The following C16orf89 variants were observed in gnomAD, a reference collection of about 807,000 sequenced individuals.
C16orf89 encodes UPF0764 protein C16orf89.
In C16orf89, 57 loss-of-function variants were observed where a neutral mutation model predicts 41.5. The observed-to-expected ratio is 1.38, with a 90% CI of 1.11 to 1.71. C16orf89 has a LOEUF of 1.71. Ranked by LOEUF, C16orf89 falls within the 40% of genes most tolerant of loss-of-function variation. C16orf89 has a pLI of 0.00. For missense variants in C16orf89, 575 were observed against 445.9 expected (o/e 1.29, Z -2.61); for synonymous variants, 223 against 190.6 (o/e 1.17, Z -1.40).
At chr16:5,060,151 C>T (rs1956586203) in intron 3 of C16orf89, 135 bp downstream of exon 3, 1 of 1,110,772 alleles carries the variant, frequency 9.0e-7, no homozygotes, top group East Asian at 2.7e-5. Flanking sequence ...TACCCGGCAG[C>T]TACAGGGAGC....
intron 3 of C16orf89, 39 bp from the exon 4 acceptor site, chr16:5,058,649 C>G: frequency 1.6e-5 from 24 of 1,512,404 alleles, no homozygotes; most frequent in Non-Finnish European, 2.2e-5. Context: ...GGATGGAGCG[C>G]TGACTCTGCC....
intron 6 of C16orf89, among the ~76,000 whole-genome samples, chr16:5,049,178 T>C (rs997546263): frequency 6.6e-6 from 1 of 152,198 alleles, no homozygotes; most frequent in Non-Finnish European, 1.5e-5. Context: ...AAAAAATATA[T>C]GTATTAAACA....
At chr16:5,056,355 G>C (rs1239970356) in intron 4 of C16orf89, among the ~76,000 whole-genome samples, 167 bp from the exon 5 acceptor site, 1 of 152,066 alleles carries the variant, frequency 6.6e-6, no homozygotes, top group Admixed American at 6.6e-5. Context: ...TCTTCCCCAT[G>C]CACACCCCCA....
At chr16:5,058,702 A>G in intron 3 of C16orf89, 92 bp from the exon 4 acceptor site, 4 of 1,000,202 alleles carry the variant, frequency 4.0e-6, no homozygotes. Context: ...TGGAACTCCC[A>G]GTAGATTCCA....
intron 4 of C16orf89, among the ~76,000 whole-genome samples, chr16:5,057,687 C>G (rs1028731394): frequency 1.3e-5 from 2 of 151,510 alleles, no homozygotes; most frequent in South Asian, 4.2e-4. Context: ...TGCCACTATG[C>G]CCGACTAATT....
In C16orf89 at chr16:5,059,019, C is replaced by T. The variant is rs1956564943; in HGVS notation, c.510-409G>A. ...CTTTGGGAGGCTGAGGCAGGCAAGT[C>T]ACCTGAGGTCAGGAGTTCGAGACCA... On this transcript the variant is annotated intron_variant, in intron 3 of 7. Coordinates refer to ENST00000472572, the MANE Select transcript of C16orf89 (RefSeq NM_001098514.3). Among the ~76,000 whole-genome samples, 4 of 152,068 alleles carry T rather than the reference C, an allele frequency of 2.6e-5. No homozygotes were observed. The South Asian group carries it at 8.3e-4, about 31-fold the overall frequency.
At chr16:5,055,217 T>G (rs749005623) in intron 6 of C16orf89, 29 bp downstream of exon 6, 50 of 1,245,552 alleles carry the variant, frequency 4.0e-5, no homozygotes, top group East Asian at 1.0e-4. Flanking sequence ...ACTGCCCCCC[T>G]TCTTAGCCAG....
rs78316566 is a variant in C16orf89, at chr16:5,065,612, G to T, written c.208+89C>A. On this transcript the variant is annotated intron_variant, in intron 1 of 7. Transcript: ENST00000472572. Reference sequence around the variant, plus strand: ...CAGGCTATACTGGGGCCAGGAGTCTGCCAGGTCCCAGGCGTACAGAGCAGG... The same window carrying T: ...CAGGCTATACTGGGGCCAGGAGTCTTCCAGGTCCCAGGCGTACAGAGCAGG... 3.5e-4 allele frequency: 495 copies of T among 1,405,732 alleles called. 1 individual carries two copies. The African/African-American group carries it at 6.4e-3, about 18-fold the overall frequency. The allele number at this position is 1,405,732 out of a possible 1,614,324, so 87.1% of individuals were successfully genotyped here. A position where few individuals can be genotyped will look rare whatever the true frequency, so the allele number is the denominator to read the frequency against.
intron 5 of C16orf89, chr16:5,055,801 A>T: frequency 6.9e-7 from 1 of 1,447,258 alleles, no homozygotes; most frequent in Non-Finnish European, 9.4e-7. Flanking sequence ...TCGATAAACA[A>T]TGAATATAAT....
chr16:5,060,945 C>CTTTTT lies in C16orf89; in HGVS notation c.359-514_359-510dup, dbSNP rs386384101. Among the ~76,000 whole-genome samples the CTTTTT allele has an allele frequency of 1.7e-4, 16 of 93,512 alleles. 2 individuals carry two copies. Among genetic ancestry groups the CTTTTT allele is most frequent in the African/African-American group, 3.5e-4 (8 of 22,990 alleles). The allele number at this position is 93,512 out of a possible 152,430, so 61.3% of individuals were successfully genotyped here. ...GAGAATGCAGTGAGCTATGATCAGC[C>CTTTTT]TTTTTTTTTTTTTTTTTTTTTTTTA... On this transcript the variant is annotated intron_variant, in intron 2 of 7. Coordinates refer to ENST00000472572, the MANE Select transcript of C16orf89 (RefSeq NM_001098514.3).
intron 7 of C16orf89, chr16:5,044,959 G>T (rs1956268829): frequency 8.4e-7 from 1 of 1,193,002 alleles, no homozygotes. Flanking sequence ...TCCGCCAGCT[G>T]CTAAGGGCTC....
intron 4 of C16orf89, among the ~76,000 whole-genome samples, chr16:5,058,144 T>G (rs559849861): frequency 5.3e-5 from 8 of 152,104 alleles, no homozygotes; most frequent in Non-Finnish European, 1.0e-4. Flanking sequence ...TTCTTTTTTT[T>G]TGAGGCAGAG....
At chr16:5,043,745 T>A (rs950544144), downstream of C16orf89, 1 of 152,176 alleles carries the variant, frequency 6.6e-6, no homozygotes, top group Non-Finnish European at 1.5e-5. Context: ...TGTGGCTGGG[T>A]GCAGTGGCTC....
downstream of C16orf89, chr16:5,044,118 T>G (rs1039942752): frequency 8.0e-7 from 1 of 1,244,088 alleles, no homozygotes; most frequent in Non-Finnish European, 1.0e-6. Flanking sequence ...GACTCAACCC[T>G]GGGTCAGTTG....
intron 7 of C16orf89, chr16:5,044,883 A>C: frequency 3.2e-6 from 4 of 1,254,332 alleles, no homozygotes; most frequent in Non-Finnish European, 4.1e-6. Flanking sequence ...ATTCCAGGCA[A>C]CTTGCAAGAC....
At chr16:5,050,314 G>C (rs1173491019) in intron 6 of C16orf89, among the ~76,000 whole-genome samples, 1 of 152,008 alleles carries the variant, frequency 6.6e-6, no homozygotes. Context: ...GTTGCAGTGA[G>C]CTGAGATTGC....
intron 7 of C16orf89, chr16:5,044,901 G>A (rs559588471): frequency 8.0e-7 from 1 of 1,247,442 alleles, no homozygotes; most frequent in Non-Finnish European, 1.0e-6. Context: ...GACGCTGAGT[G>A]GGTGCTTCGG....
intron 6 of C16orf89, among the ~76,000 whole-genome samples, chr16:5,050,494 A>AT (rs1246746496): frequency 1.3e-5 from 2 of 152,250 alleles, no homozygotes; most frequent in African/African-American, 4.8e-5. Context: ...TGAATGTGTA[A>AT]TAAAAAGTCT....
chr16:5,043,372 T>C (rs964500713), downstream of C16orf89: 4 of 152,176 alleles, frequency 2.6e-5, no homozygotes, highest in African/African-American at 9.7e-5. Context: ...GGGTTATTAT[T>C]ATCGCAATTT....
Sources: allele counts gnomAD v4.1 joint callset (sites outside exome capture counted in the v4.1 genomes callset), GRCh38; gene constraint gnomAD v4.1.1; transcripts MANE v1.5; gene names NCBI Gene and HGNC (gene_info 2026-07-23, HGNC 2026-07-21).